Variants in OTOGL observed in about 807,000 individuals in gnomAD.
The protein encoded by OTOGL is otogelin-like protein.
Under a neutral mutation model 318.5 loss-of-function variants are expected in OTOGL, and 285 were observed. The ratio of observed to expected loss-of-function variants is 0.89; its 90% confidence interval spans 0.81 to 0.99. The LOEUF is 0.99. OTOGL is among the 50% of genes least tolerant of loss of function. The pLI is 0.00. For synonymous variants in OTOGL, 987 were observed against 936.5 expected (o/e 1.05, Z -0.99); for missense variants, 2,899 against 2,845.6 (o/e 1.02, Z -0.43).
chr12:80,327,834 C>CTGTAG (rs1001515935), intron 35 of OTOGL, among the ~76,000 whole-genome samples: 4 of 151,218 alleles, frequency 2.6e-5, no homozygotes, highest in African/African-American at 9.7e-5. Flanking sequence ...TGGCGGGTGC[C>CTGTAG]TGTAGTCCCA....
In OTOGL at chr12:80,171,212, T is replaced by C. The variant is rs186066723; in HGVS notation, c.-19-38201T>C. On this transcript the variant is annotated intron_variant, in intron 1 of 58. Transcript: ENST00000547103. ...CTTAGTCTCTCAAGTAGATGGGACTTACAAGAATGCACCACCATGCCCATC... is the reference window on the plus strand; with the variant it reads ...CTTAGTCTCTCAAGTAGATGGGACTCACAAGAATGCACCACCATGCCCATC... 8.5e-5 allele frequency among the ~76,000 whole-genome samples: 13 copies of C among 152,130 alleles called. No individual in the cohort carries two copies. The East Asian group carries it at 1.9e-3, about 23-fold the overall frequency.
At position 80,164,182 on chromosome 12, in the gene OTOGL, A is replaced by C. The variant is rs182661399; in HGVS notation, c.-19-45231A>C. Among the ~76,000 whole-genome samples, 48 of 152,280 alleles carry C rather than the reference A, an allele frequency of 3.2e-4. 1 individual carries two copies. The highest frequency in any genetic ancestry group is 1.1e-3 in the African/African-American group (44 of 41,576). ...TCTATATTGTTGTATAATTGTGAAG[A>C]ATATGGAGATGTTAGTTATAAAACT... On this transcript the variant is annotated intron_variant, in intron 1 of 58. Coordinates refer to ENST00000547103, the MANE Select transcript of OTOGL (RefSeq NM_001378609.3).
chr12:80,242,380 A>C (rs1880456800), intron 11 of OTOGL, among the ~76,000 whole-genome samples: 1 of 152,156 alleles, frequency 6.6e-6, no homozygotes, highest in African/African-American at 2.4e-5. Flanking sequence ...CAAAGCAGGC[A>C]TGTAATAACA....
Position 80,371,981 on chromosome 12 carries a change from C to T in OTOGL, c.6736-38C>T, listed in dbSNP as rs749828620. ...TAGTACAAGAGAACATGGAAGAACA[C>T]CATATTCTTTGACTTTATTGCTTTT... On this transcript the variant is annotated intron_variant, in intron 56 of 58. Coordinates refer to ENST00000547103, the MANE Select transcript of OTOGL (RefSeq NM_001378609.3). The T allele has an allele frequency of 1.1e-5, 15 of 1,378,358 alleles. No individual in the cohort carries two copies. The African/African-American group carries it at 2.0e-4, about 19-fold the overall frequency. 85.4% of individuals were successfully genotyped at this position (1,378,358 alleles called of 1,614,324 possible). A position where few individuals can be genotyped will look rare whatever the true frequency, so the allele number is the denominator to read the frequency against.
intron 9 of OTOGL, among the ~76,000 whole-genome samples, chr12:80,233,298 C>T (rs1233222280): frequency 6.6e-6 from 1 of 152,186 alleles, no homozygotes; most frequent in Non-Finnish European, 1.5e-5. Flanking sequence ...TTTACCTTTG[C>T]TAAATTAGCA....
At chr12:80,286,369 A>G (rs1884621696) in intron 26 of OTOGL, among the ~76,000 whole-genome samples, 1 of 152,234 alleles carries the variant, frequency 6.6e-6, no homozygotes, top group African/African-American at 2.4e-5. Flanking sequence ...TTTTGGTATC[A>G]GGATGATGCT....
rs1441715090 is a variant in OTOGL, at chr12:80,307,224, G to A, written c.3333+1529G>A. ...GTCTACCTCTTTCTACACAGACACG[G>A]CAACCATCCGATTTCTCAATCTTTT... On this transcript the variant is annotated intron_variant, in intron 29 of 58. Coordinates refer to ENST00000547103, the MANE Select transcript of OTOGL (RefSeq NM_001378609.3). Among the ~76,000 whole-genome samples the A allele has an allele frequency of 1.0e-4, 15 of 148,192 alleles. 1 individual carries two copies. Among genetic ancestry groups the A allele is most frequent in the Non-Finnish European group, 7.5e-5 (5 of 66,740 alleles).
chr12:80,264,078 A>G (rs554166936), intron 19 of OTOGL, among the ~76,000 whole-genome samples: 8 of 152,304 alleles, frequency 5.3e-5, no homozygotes, highest in African/African-American at 1.9e-4. Flanking sequence ...ATTCCTTAGT[A>G]GTGAAAAAAC....
intron 58 of OTOGL, 39 bp from the exon 59 acceptor site, chr12:80,377,809 A>C (rs776287832): frequency 2.9e-5 from 43 of 1,476,386 alleles, no homozygotes; most frequent in Non-Finnish European, 1.9e-6. Flanking sequence ...AGTACTTTTA[A>C]AAGTTTAAGA....
At position 80,164,152 on chromosome 12, in the gene OTOGL, C is replaced by T. The variant is rs1012937317; in HGVS notation, c.-19-45261C>T. Among the ~76,000 whole-genome samples the T allele has an allele frequency of 5.9e-5, 9 of 152,080 alleles. No individual in the cohort carries two copies. The South Asian group carries it at 1.0e-3, about 18-fold the overall frequency. ...TTCTTCACCTATAAGCAGAGATTAA[C>T]GATATCTATATTGTTGTATAATTGT... On this transcript the variant is annotated intron_variant, in intron 1 of 58. Coordinates refer to ENST00000547103, the MANE Select transcript of OTOGL (RefSeq NM_001378609.3).
chr12:80,302,769 G>T lies in OTOGL; in HGVS notation c.3199G>T (p.Gly1067Trp). 1 of 1,505,546 alleles carries T rather than the reference G, an allele frequency of 6.6e-7. No individual in the cohort carries two copies. The allele number at this position is 1,505,546 out of a possible 1,614,324, so 93.3% of individuals were successfully genotyped here. A position where few individuals can be genotyped will look rare whatever the true frequency, so the allele number is the denominator to read the frequency against. Residue 1067 changes from glycine (G) to tryptophan (W), a missense_variant, in exon 28 of 59, where the codon GGG becomes TGG. By Grantham distance (184) the Gly-to-Trp change is radical. Around this residue, in one of 3 missense-constraint regions of OTOGL, gnomAD observed 2,607 missense variants for 2,524.9 expected, o/e 1.03. Transcript: ENST00000547103. ...DRKTTIHIKV[G>W]PQWKNKLSGL... is the part of the protein sequence containing the mutation. ...GAAGACAACTATTCATATCAAAGTT[G>T]GGCCACAGTGGAAGGTAGGTCAACC...
At chr12:80,322,244 G>A (rs1161933814) in intron 34 of OTOGL, among the ~76,000 whole-genome samples, 1 of 152,186 alleles carries the variant, frequency 6.6e-6, no homozygotes. Context: ...TCCATACAGT[G>A]GATGTGATTT....
intron 42 of OTOGL, 75 bp downstream of exon 42, chr12:80,337,079 G>C: frequency 1.8e-6 from 2 of 1,141,960 alleles, no homozygotes; most frequent in Non-Finnish European, 2.5e-6. Flanking sequence ...TCCAATAAGA[G>C]GGAAAATTAA....
chr12:80,184,209 C>G (rs944911028), intron 1 of OTOGL, among the ~76,000 whole-genome samples: 1 of 152,202 alleles, frequency 6.6e-6, no homozygotes, highest in Non-Finnish European at 1.5e-5. Flanking sequence ...TCTCAATGCT[C>G]TGCTTCAGGC....
At chr12:80,357,665 C>A (rs1296699330) in intron 49 of OTOGL, among the ~76,000 whole-genome samples, 1 of 152,072 alleles carries the variant, frequency 6.6e-6, no homozygotes, top group African/African-American at 2.4e-5. Flanking sequence ...ATGATTGAGC[C>A]AACTTTATTT....
In OTOGL at chr12:80,112,705, C is replaced by CTTTTTTTTTTTTTTTTTTT. The variant is rs546093754; in HGVS notation, c.-20+13103_-20+13104insTTTTTTTTTTTTTTTTTTT. ...ATTAGGGATATTTGCCTGAAATTTT[C>CTTTTTTTTTTTTTTTTTTT]TTTCTTTTTTTTTTTTTTGTTGTGT... On this transcript the variant is annotated intron_variant, in intron 1 of 58. Coordinates refer to ENST00000547103, the MANE Select transcript of OTOGL (RefSeq NM_001378609.3). Among the ~76,000 whole-genome samples, 3 of 128,672 alleles carry CTTTTTTTTTTTTTTTTTTT rather than the reference C, an allele frequency of 2.3e-5. 1 individual carries two copies. Among genetic ancestry groups the CTTTTTTTTTTTTTTTTTTT allele is most frequent in the Non-Finnish European group, 4.9e-5 (3 of 61,206 alleles). The allele number at this position is 128,672 out of a possible 152,430, so 84.4% of individuals were successfully genotyped here.
At chr12:80,120,419 C>T (rs1870420316) in intron 1 of OTOGL, among the ~76,000 whole-genome samples, 1 of 151,744 alleles carries the variant, frequency 6.6e-6, no homozygotes, top group South Asian at 2.1e-4. Flanking sequence ...AGTTACATAC[C>T]TGTTGTTATA....
intron 1 of OTOGL, among the ~76,000 whole-genome samples, chr12:80,119,896 ACTTT>A (rs1251509687): frequency 6.6e-6 from 1 of 152,118 alleles, no homozygotes; most frequent in African/African-American, 2.4e-5. Context: ...TGTTTCAAAA[ACTTT>A]CTTAGATTCA....
At chr12:80,224,095 G>A (rs1299688006) in intron 7 of OTOGL, among the ~76,000 whole-genome samples, 1 of 152,064 alleles carries the variant, frequency 6.6e-6, no homozygotes, top group African/African-American at 2.4e-5. Context: ...ATCTTGAGTT[G>A]ATTTTTGTAT....
Sources: allele counts gnomAD v4.1 joint callset (sites outside exome capture counted in the v4.1 genomes callset), GRCh38; gene constraint gnomAD v4.1.1; regional missense constraint gnomAD v4.1.1; transcripts MANE v1.5; gene names NCBI Gene and HGNC (gene_info 2026-07-23, HGNC 2026-07-21).